Variants in PCDH9 observed in about 807,000 individuals in gnomAD.
PCDH9 encodes the protein protocadherin-9.
A neutral mutation model predicts 70.6 loss-of-function variants in PCDH9; 24 were observed. The ratio of observed to expected loss-of-function variants is 0.34; its 90% confidence interval spans 0.25 to 0.48. The LOEUF (loss-of-function observed/expected upper bound fraction) is 0.48. Among genes scored for constraint, PCDH9 ranks in the 20% least tolerant of loss-of-function variants. PCDH9 has a pLI of 0.99. For missense variants in PCDH9, 1,281 were observed against 1,503.6 expected, an observed-to-expected ratio of 0.85 and a Z score of 2.45; for synonymous variants, 562 against 558.5, an observed-to-expected ratio of 1.01 and a Z score of -0.09.
intron 3 of PCDH9, among the ~76,000 whole-genome samples, chr13:66,675,901 A>T (rs2078236401): frequency 6.6e-6 from 1 of 152,074 alleles, no homozygotes; most frequent in African/African-American, 2.4e-5. Context: ...GTCTTCTTAG[A>T]TCTCTTTCCC....
chr13:66,486,563 G>A (rs1199381185), intron 4 of PCDH9, among the ~76,000 whole-genome samples: 1 of 151,262 alleles, frequency 6.6e-6, no homozygotes, highest in Middle Eastern at 3.2e-3. Flanking sequence ...TTGAGCCCAG[G>A]AGGTTGAAGC....
At chr13:67,040,077 A>T (rs2085082554) in intron 2 of PCDH9, among the ~76,000 whole-genome samples, 1 of 152,242 alleles carries the variant, frequency 6.6e-6, no homozygotes, top group Admixed American at 6.5e-5. Context: ...AATAGCAATC[A>T]CATTAATGTG....
chr13:66,696,203 A>C (rs1003394341), intron 3 of PCDH9, among the ~76,000 whole-genome samples: 1 of 152,156 alleles, frequency 6.6e-6, no homozygotes, highest in South Asian at 2.1e-4. Flanking sequence ...TTTTTAAAAA[A>C]TCACTTTCTT....
chr13:66,786,674 C>G (rs1330057663), intron 3 of PCDH9, among the ~76,000 whole-genome samples: 1 of 152,104 alleles, frequency 6.6e-6, no homozygotes, highest in Non-Finnish European at 1.5e-5. Context: ...ACTGTACTAC[C>G]CTGCAAGAAG....
chr13:67,165,401 A>G (rs1431073161), intron 2 of PCDH9, among the ~76,000 whole-genome samples: 1 of 152,192 alleles, frequency 6.6e-6, no homozygotes, highest in African/African-American at 2.4e-5. Flanking sequence ...ATATATCATT[A>G]TACACTTTAC....
At chr13:66,821,217 A>G (rs780817526) in intron 3 of PCDH9, among the ~76,000 whole-genome samples, 22 of 152,156 alleles carry the variant, frequency 1.4e-4, no homozygotes, top group African/African-American at 2.4e-4. Context: ...TGAAAGCAGT[A>G]TTTTACACTA....
At chr13:66,309,708 T>C (rs1158543089) in intron 4 of PCDH9, among the ~76,000 whole-genome samples, 2 of 151,872 alleles carry the variant, frequency 1.3e-5, no homozygotes, top group African/African-American at 2.4e-5. Context: ...TTGTTTTTCA[T>C]TCATACAGTC....
At chr13:66,843,432 T>C (rs2081150726) in intron 3 of PCDH9, among the ~76,000 whole-genome samples, 1 of 152,150 alleles carries the variant, frequency 6.6e-6, no homozygotes, top group African/African-American at 2.4e-5. Flanking sequence ...TCTAAACTTA[T>C]TAAAATTAAA....
chr13:66,631,509 A>G lies in PCDH9; in HGVS notation c.3139-98T>C. The G allele has an allele frequency of 1.0e-5, 7 of 685,062 alleles. No individual in the cohort carries two copies. The South Asian group carries it at 1.2e-4, about 12-fold the overall frequency. 42.4% of individuals were successfully genotyped at this position (685,062 alleles called of 1,614,324 possible). On this transcript the variant is annotated intron_variant, in intron 3 of 4. Coordinates refer to ENST00000377865, the MANE Select transcript of PCDH9 (RefSeq NM_203487.3). ...CAAAACACTTTCAACAAGTAACACA[A>G]TGTAAAAGCAAAATAAACCAAACTA...
intron 4 of PCDH9, among the ~76,000 whole-genome samples, chr13:66,421,109 G>A (rs111465330): frequency 3.3e-5 from 5 of 151,682 alleles, no homozygotes; most frequent in African/African-American, 1.2e-4. Context: ...ATGAAATAAA[G>A]TGTGAAGACA....
intron 3 of PCDH9, among the ~76,000 whole-genome samples, chr13:66,883,576 C>G (rs1049242818): frequency 6.6e-6 from 1 of 152,144 alleles, no homozygotes; most frequent in Non-Finnish European, 1.5e-5. Context: ...GTTCTAAGCA[C>G]AACCATTTCT....
At chr13:67,194,316 C>A (rs2088999776) in intron 2 of PCDH9, among the ~76,000 whole-genome samples, 1 of 151,268 alleles carries the variant, frequency 6.6e-6, no homozygotes, top group African/African-American at 2.4e-5. Context: ...CCATAGGGGA[C>A]AAAAATTCAA....
intron 3 of PCDH9, among the ~76,000 whole-genome samples, chr13:66,872,819 T>A (rs895028147): frequency 6.6e-6 from 1 of 152,160 alleles, no homozygotes; most frequent in African/African-American, 2.4e-5. Context: ...GTTATATACA[T>A]ACTCAAAGAA....
chr13:67,156,671 C>CG (rs2087822090), intron 2 of PCDH9, among the ~76,000 whole-genome samples: 1 of 152,190 alleles, frequency 6.6e-6, no homozygotes, highest in Non-Finnish European at 1.5e-5. Flanking sequence ...CGAGAAACCC[C>CG]GGGATACAGA....
At chr13:66,776,225 G>A (rs1432151378) in intron 3 of PCDH9, among the ~76,000 whole-genome samples, 1 of 151,276 alleles carries the variant, frequency 6.6e-6, no homozygotes, top group African/African-American at 2.4e-5. Flanking sequence ...GCACAAGACA[G>A]GGATGCCCTC....
chr13:66,631,016 ACAT>A (rs2077564030), intron 4 of PCDH9, among the ~76,000 whole-genome samples, 191 bp downstream of exon 4: 1 of 152,218 alleles, frequency 6.6e-6, no homozygotes, highest in Non-Finnish European at 1.5e-5. Context: ...AAATGAAGAC[ACAT>A]CATACAATTT....
intron 4 of PCDH9, among the ~76,000 whole-genome samples, chr13:66,472,904 A>G (rs1175534039): frequency 6.6e-6 from 1 of 152,108 alleles, no homozygotes. Context: ...TTTCTCCTAA[A>G]GGATGAAAGT....
At chr13:66,540,770 G>A (rs1960920655) in intron 4 of PCDH9, among the ~76,000 whole-genome samples, 2 of 152,148 alleles carry the variant, frequency 1.3e-5, no homozygotes, top group African/African-American at 4.8e-5. Context: ...AATTCATTTA[G>A]TATCAGTGAT....
chr13:67,167,937 G>A (rs768551502), intron 2 of PCDH9, among the ~76,000 whole-genome samples: 1 of 152,052 alleles, frequency 6.6e-6, no homozygotes, highest in Non-Finnish European at 1.5e-5. Flanking sequence ...CAGGAACAAG[G>A]GAAAAGGAAA....
Sources: allele counts gnomAD v4.1 joint callset (sites outside exome capture counted in the v4.1 genomes callset), GRCh38; gene constraint gnomAD v4.1.1; transcripts MANE v1.5; gene names NCBI Gene and HGNC (gene_info 2026-07-23, HGNC 2026-07-21).